Variants in SIL1 observed in about 807,000 individuals in gnomAD.
SIL1 encodes SIL1 nucleotide exchange factor, also known as nucleotide exchange factor SIL1.
Under a neutral mutation model 49.1 loss-of-function variants are expected in SIL1, and 40 were observed. The ratio of observed to expected loss-of-function variants is 0.81; its 90% confidence interval spans 0.63 to 1.06. The LOEUF is 1.06. Ranked by LOEUF, SIL1 falls within the 50% of genes least tolerant of loss-of-function variation. The pLI, the probability that SIL1 is intolerant of heterozygous loss-of-function variation, is 0.00. For synonymous variants in SIL1, 253 were observed against 250.8 expected, an observed-to-expected ratio of 1.01 and a Z score of -0.08; for missense variants, 500 against 572.6, an observed-to-expected ratio of 0.87 and a Z score of 1.29.
intron 1 of SIL1, among the ~76,000 whole-genome samples, chr5:139,149,674 G>A (rs1314371043): frequency 6.6e-6 from 1 of 152,140 alleles, no homozygotes; most frequent in Non-Finnish European, 1.5e-5. Flanking sequence ...GGACTTCCTA[G>A]AAGAGGTGAG....
intron 1 of SIL1, among the ~76,000 whole-genome samples, chr5:139,142,421 T>C (rs1206891904): frequency 1.3e-5 from 2 of 152,160 alleles, no homozygotes; most frequent in Non-Finnish European, 2.9e-5. Flanking sequence ...TTCAGCAGCA[T>C]ATTAAGAGAA....
intron 1 of SIL1, among the ~76,000 whole-genome samples, chr5:139,141,705 C>T (rs1303805638): frequency 6.6e-6 from 1 of 152,062 alleles, no homozygotes; most frequent in Non-Finnish European, 1.5e-5. Context: ...AGCAGCAGAA[C>T]CTAATGGCAT....
At chr5:139,121,974 T>G (rs1019984143) in intron 2 of SIL1, among the ~76,000 whole-genome samples, 1 of 152,090 alleles carries the variant, frequency 6.6e-6, no homozygotes, top group Admixed American at 6.5e-5. Flanking sequence ...TTTAAACCCG[T>G]TCTTGCAAAA....
In SIL1 at chr5:139,040,484, C is replaced by CTTTTTT. The variant is rs140792595; in HGVS notation, c.453+2130_453+2135dup. Among the ~76,000 whole-genome samples, 217 of 89,348 alleles carry CTTTTTT rather than the reference C, an allele frequency of 2.4e-3. 44 individuals are homozygous for CTTTTTT. Among genetic ancestry groups the CTTTTTT allele is most frequent in the Middle Eastern group, 6.0e-3 (1 of 166 alleles). 58.6% of individuals were successfully genotyped at this position (89,348 alleles called of 152,430 possible). On this transcript the variant is annotated intron_variant, in intron 5 of 9. Coordinates refer to ENST00000394817, the MANE Select transcript of SIL1 (RefSeq NM_022464.5). ...TTGCAAGGGGAGAGGAGTATTTTTTCTTTTTTCTTTTTTCTTTTTTTTTTT... is the reference window on the plus strand; with the variant it reads ...TTGCAAGGGGAGAGGAGTATTTTTTCTTTTTTTTTTTTCTTTTTTCTTTTTTTTTTT...
At chr5:138,998,966 C>T (rs952964940) in intron 7 of SIL1, among the ~76,000 whole-genome samples, 1 of 150,244 alleles carries the variant, frequency 6.7e-6, no homozygotes, top group Non-Finnish European at 1.5e-5. Context: ...AAGTGATTCT[C>T]CTGCCTCAGC....
chr5:139,163,140 C>G (rs923566641), intron 1 of SIL1, among the ~76,000 whole-genome samples: 1 of 151,612 alleles, frequency 6.6e-6, no homozygotes, highest in Non-Finnish European at 1.5e-5. Context: ...AGGCAGGGAT[C>G]GGAATATGAA....
chr5:139,178,087 C>T (rs1157603547), intron 1 of SIL1, among the ~76,000 whole-genome samples: 1 of 152,156 alleles, frequency 6.6e-6, no homozygotes, highest in Non-Finnish European at 1.5e-5. Context: ...ACCTCCAGGC[C>T]TTTTTCTGTG....
At chr5:138,951,949 C>T (rs1580977014) in intron 7 of SIL1, 65 bp from the exon 8 acceptor site, 1 of 1,409,158 alleles carries the variant, frequency 7.1e-7, no homozygotes, top group East Asian at 2.3e-5. Flanking sequence ...GGTCAGGGAA[C>T]TGAGCCCATG....
At chr5:138,973,406 T>A (rs1247863362) in intron 7 of SIL1, among the ~76,000 whole-genome samples, 1 of 151,288 alleles carries the variant, frequency 6.6e-6, no homozygotes, top group Non-Finnish European at 1.5e-5. Context: ...TATAGAAGAG[T>A]GCAAAATAGA....
At position 139,040,484 on chromosome 5, in the gene SIL1, C is replaced by CTTTTTTTTTTTTTTTTTTTTTTTT. The variant is rs140792595; in HGVS notation, c.453+2135_453+2136insAAAAAAAAAAAAAAAAAAAAAAAA. Among the ~76,000 whole-genome samples, 3 of 89,410 alleles carry CTTTTTTTTTTTTTTTTTTTTTTTT rather than the reference C, an allele frequency of 3.4e-5. 1 individual carries two copies. The highest frequency in any genetic ancestry group is 6.4e-5 in the Non-Finnish European group (3 of 47,236). 58.7% of individuals were successfully genotyped at this position (89,410 alleles called of 152,430 possible). The stretch of plus-strand genomic sequence containing the variant: ...TTGCAAGGGGAGAGGAGTATTTTTT[C>CTTTTTTTTTTTTTTTTTTTTTTTT]TTTTTTCTTTTTTCTTTTTTTTTTT... On this transcript the variant is annotated intron_variant, in intron 5 of 9. Transcript: ENST00000394817.
Position 138,951,821 on chromosome 5 carries a change from C to T in SIL1, c.831G>A (p.Leu277=). ...GGALQKLLVI[L]ATEQPLTAKK... is the part of the protein sequence containing the mutation. ...TTGCAGTGAGCGGCTGCTCCGTGGC[C>T]AGGATGACCAGCAGCTTCTGCAGGG... The change falls in exon 8 of 10, where the codon CTG becomes CTA. Residue 277 remains leucine (L), a synonymous_variant. Coordinates refer to ENST00000394817, the MANE Select transcript of SIL1 (RefSeq NM_022464.5). 1 of 1,614,116 alleles carries T rather than the reference C, an allele frequency of 6.2e-7. No individual in the cohort carries two copies. The highest frequency in any genetic ancestry group is 8.5e-7 in the Non-Finnish European group (1 of 1,180,042).
chr5:139,133,137 C>G (rs1418977014), intron 1 of SIL1, among the ~76,000 whole-genome samples: 2 of 152,152 alleles, frequency 1.3e-5, no homozygotes, highest in Non-Finnish European at 1.5e-5. Context: ...ATTTATGGCC[C>G]TCTTCTGACA....
In SIL1 at chr5:138,947,326, C is replaced by A. The variant is rs1431633313; in HGVS notation, c.1177G>T (p.Ala393Ser). 3.1e-6 allele frequency: 5 copies of A among 1,613,630 alleles called. No homozygotes were observed. Among genetic ancestry groups the A allele is most frequent in the Non-Finnish European group, 4.2e-6 (5 of 1,180,038 alleles). The change falls in exon 10 of 10, where the codon GCC becomes TCC. Residue 393 changes from alanine (A) to serine (S), a missense_variant. Physicochemically the swap from Ala to Ser is moderately conservative, Grantham distance 99. Transcript: ENST00000394817. The surrounding 1 kb of genome is among the most constrained non-coding windows in gnomAD (Gnocchi z 4.1). ...AHLLALPEHD[A>S]REKVLQTLGV... ...AGTGTCTGCAGCACCTTCTCACGGG[C>A]ATCATGCTCGGGCAGCGCCAGGAGG...
intron 3 of SIL1, among the ~76,000 whole-genome samples, chr5:139,095,342 C>A (rs1440753589): frequency 6.7e-6 from 1 of 150,134 alleles, no homozygotes; most frequent in African/African-American, 2.5e-5. Flanking sequence ...CAGCTCAATG[C>A]AACCTCCACC....
intron 3 of SIL1, among the ~76,000 whole-genome samples, chr5:139,084,013 G>A (rs1770152798): frequency 7.9e-6 from 1 of 126,948 alleles, no homozygotes; most frequent in African/African-American, 3.0e-5. Context: ...TTATTTCTGA[G>A]GGCTCTGTTC....
intron 1 of SIL1, among the ~76,000 whole-genome samples, chr5:139,166,672 C>G (rs184426968): frequency 6.4e-4 from 97 of 152,264 alleles, no homozygotes; most frequent in African/African-American, 2.1e-3. Context: ...GAGACAGGAT[C>G]TCATTCCCAT....
chr5:139,047,507 G>A (rs1769191733), intron 4 of SIL1, among the ~76,000 whole-genome samples: 1 of 152,184 alleles, frequency 6.6e-6, no homozygotes, highest in African/African-American at 2.4e-5. Flanking sequence ...TCTCCCTCTA[G>A]GCCAATGGTT....
intron 1 of SIL1, among the ~76,000 whole-genome samples, chr5:139,142,198 G>A (rs559027039): frequency 6.6e-6 from 1 of 152,322 alleles, no homozygotes; most frequent in South Asian, 2.1e-4. Flanking sequence ...TTACTGGCCA[G>A]CAAGGTGCCT....
intron 7 of SIL1, among the ~76,000 whole-genome samples, chr5:138,996,761 G>A (rs911777851): frequency 3.3e-5 from 5 of 151,782 alleles, no homozygotes; most frequent in South Asian, 2.1e-4. Flanking sequence ...CTTGTGATCC[G>A]CCTGCCTCGA....
Sources: gnomAD v4.1 joint callset for allele counts (sites outside exome capture counted in the v4.1 genomes callset) on GRCh38, gnomAD v4.1.1 for gene constraint, Gnocchi (gnomAD v3.1) non-coding constraint, MANE v1.5 for transcripts, NCBI Gene and HGNC (gene_info 2026-07-23, HGNC 2026-07-21) for gene names.